Variants in MEIG1 observed in about 807,000 individuals in gnomAD.
MEIG1 encodes meiosis/spermiogenesis associated 1, also known as meiosis expressed gene 1 protein homolog.
Under a neutral mutation model 11.3 loss-of-function variants are expected in MEIG1, and 12 were observed. That is an observed-to-expected ratio of 1.07 (90% CI 0.68 to 1.73). The LOEUF is 1.73. Among genes scored for constraint, MEIG1 ranks in the 40% most tolerant of loss-of-function variants. The pLI, the probability that MEIG1 is intolerant of heterozygous loss-of-function variation, is 0.00. For synonymous variants in MEIG1, 41 were observed against 33.2 expected (o/e 1.24, Z -0.81); for missense variants, 119 against 104.9 (o/e 1.13, Z -0.59).
chr10:14,984,619 C>T (rs1843300091), intron 1 of MEIG1, among the ~76,000 whole-genome samples: 1 of 151,978 alleles, frequency 6.6e-6, no homozygotes, highest in African/African-American at 2.4e-5. Flanking sequence ...CCTCTTATGT[C>T]ACAGGGTTTG....
At chr10:14,987,044 G>C in intron 2 of MEIG1, 1 of 600,974 alleles carries the variant, frequency 1.7e-6, no homozygotes, top group South Asian at 1.5e-5. Flanking sequence ...GGGTAGTGCA[G>C]AGGGAGACAG....
intron 2 of MEIG1, among the ~76,000 whole-genome samples, chr10:14,971,425 T>C (rs1843149417): frequency 1.3e-5 from 2 of 151,810 alleles, no homozygotes; most frequent in African/African-American, 4.8e-5. Context: ...TACCTGTAGT[T>C]CTAACTACTC....
At chr10:14,958,896 AAAAAAAACAAAAAC>A (rs1210406582), upstream of MEIG1, among the ~76,000 whole-genome samples, 1 of 152,016 alleles carries the variant, frequency 6.6e-6, no homozygotes, top group Admixed American at 6.6e-5. Flanking sequence ...ACTCCGTCTA[AAAAAAAACAAAAAC>A]AAAAAAACAA....
upstream of MEIG1, among the ~76,000 whole-genome samples, chr10:14,958,588 T>G (rs1842974489): frequency 1.3e-5 from 2 of 152,220 alleles, no homozygotes; most frequent in Admixed American, 6.5e-5. Flanking sequence ...CAAGTCCTGA[T>G]GGCTCTACAT....
At chr10:14,980,224 C>T (rs1350442334) in intron 1 of MEIG1, among the ~76,000 whole-genome samples, 1 of 152,066 alleles carries the variant, frequency 6.6e-6, no homozygotes, top group African/African-American at 2.4e-5. Flanking sequence ...TCCCACCATA[C>T]AAATTGTGTA....
upstream of MEIG1, among the ~76,000 whole-genome samples, chr10:14,958,038 C>T (rs895867457): frequency 1.3e-5 from 2 of 151,996 alleles, no homozygotes; most frequent in African/African-American, 4.8e-5. Flanking sequence ...GTTGTAATTA[C>T]CAGAAAAAAG....
At chr10:14,961,320 T>C (rs921864847) in intron 1 of MEIG1, among the ~76,000 whole-genome samples, 4 of 152,200 alleles carry the variant, frequency 2.6e-5, no homozygotes, top group Admixed American at 1.3e-4. Flanking sequence ...TTTTGCACCA[T>C]GGTAAAGTGG....
At chr10:14,978,869 C>T (rs12252121) in intron 1 of MEIG1, among the ~76,000 whole-genome samples, 2 of 151,432 alleles carry the variant, frequency 1.3e-5, no homozygotes, top group African/African-American at 4.9e-5. Flanking sequence ...TTATGTCACA[C>T]GGGGTGCACA....
intron 2 of MEIG1, among the ~76,000 whole-genome samples, chr10:14,968,279 T>C (rs1191222371): frequency 6.6e-6 from 1 of 151,824 alleles, no homozygotes; most frequent in Non-Finnish European, 1.5e-5. Flanking sequence ...CTTGAGGTAA[T>C]GAGTTTGAGA....
At chr10:14,977,122 G>A (rs1843217720), downstream of MEIG1, among the ~76,000 whole-genome samples, 1 of 151,956 alleles carries the variant, frequency 6.6e-6, no homozygotes, top group Admixed American at 6.6e-5. Flanking sequence ...GTAGAAAGAT[G>A]TTACTCCTAA....
chr10:14,981,246 A>C (rs190439922), intron 1 of MEIG1, among the ~76,000 whole-genome samples: 15,925 of 142,944 alleles, frequency 0.11, 1,634 homozygotes, highest in African/African-American at 0.27. Flanking sequence ...GGCCTGGCTC[A>C]GTTCAGAAAA....
At chr10:14,977,982 T>C (rs1305527280) in intron 1 of MEIG1, among the ~76,000 whole-genome samples, 2 of 150,902 alleles carry the variant, frequency 1.3e-5, no homozygotes, top group Admixed American at 1.3e-4. Context: ...GATGTTACTC[T>C]TAATGTCACA....
exon 2 of MEIG1, chr10:14,986,824 G>A (rs556420896): frequency 8.3e-5 from 30 of 360,684 alleles, no homozygotes; most frequent in African/African-American, 5.4e-4. Flanking sequence ...TTGGCCAAGC[G>A]GGTCTCGAAC....
intron 2 of MEIG1, among the ~76,000 whole-genome samples, chr10:14,971,055 T>C (rs1589211541): frequency 1.3e-5 from 2 of 151,800 alleles, no homozygotes; most frequent in Admixed American, 1.3e-4. Flanking sequence ...TCAAGCCAAA[T>C]GAAAAAGTAG....
intron 1 of MEIG1, among the ~76,000 whole-genome samples, chr10:14,985,648 G>C (rs1317465956): frequency 6.6e-6 from 1 of 151,996 alleles, no homozygotes; most frequent in Admixed American, 6.6e-5. Flanking sequence ...TAGCCTAGGA[G>C]GATGTTTGTT....
intron 1 of MEIG1, among the ~76,000 whole-genome samples, chr10:14,963,785 G>A (rs1359072375): frequency 6.6e-6 from 1 of 152,124 alleles, no homozygotes; most frequent in Admixed American, 6.6e-5. Context: ...GAAACATGGT[G>A]AAACCCATCT....
chr10:14,958,812 C>T (rs1033995608), upstream of MEIG1, among the ~76,000 whole-genome samples: 5 of 152,128 alleles, frequency 3.3e-5, no homozygotes, highest in Middle Eastern at 3.4e-3. Flanking sequence ...AGGAGAATGG[C>T]GTGAACCCGG....
upstream of MEIG1, among the ~76,000 whole-genome samples, chr10:14,956,983 G>A (rs552375242): frequency 2.0e-5 from 3 of 152,294 alleles, no homozygotes; most frequent in South Asian, 4.1e-4. Context: ...TGAACCTGGA[G>A]GCAGAGATTG....
intron 1 of MEIG1, among the ~76,000 whole-genome samples, chr10:14,981,238 C>A (rs1335360963): frequency 6.7e-6 from 1 of 148,552 alleles, no homozygotes; most frequent in Non-Finnish European, 1.5e-5. Context: ...TCTCTCTTGG[C>A]CTGGCTCAGT....
Sources: gnomAD v4.1 joint callset for allele counts (sites outside exome capture counted in the v4.1 genomes callset) on GRCh38, gnomAD v4.1.1 for gene constraint, MANE v1.5 for transcripts, NCBI Gene and HGNC (gene_info 2026-07-23, HGNC 2026-07-21) for gene names.